TYW1: variants seen among roughly 807,000 people sequenced by gnomAD.
TYW1 encodes S-adenosyl-L-methionine-dependent tRNA 4-demethylwyosine synthase TYW1.
TYW1 carries 46 observed loss-of-function variants against 96.2 expected under a neutral mutation model. The observed-to-expected ratio is 0.48, with a 90% CI of 0.38 to 0.61. The LOEUF is 0.61. Among genes scored for constraint, TYW1 ranks in the 20% least tolerant of loss-of-function variants. TYW1 has a pLI of 0.00. For synonymous variants in TYW1, 274 were observed against 323.0 expected (o/e 0.85, Z 1.63); for missense variants, 684 against 909.6 (o/e 0.75, Z 3.19).
At chr7:67,030,758 A>G (rs983631424) in intron 7 of TYW1, among the ~76,000 whole-genome samples, 3 of 152,086 alleles carry the variant, frequency 2.0e-5, no homozygotes, top group Non-Finnish European at 4.4e-5. Context: ...GGGACATCTT[A>G]CTGAACAAGT....
intron 4 of TYW1, 167 bp downstream of exon 4, chr7:67,009,851 G>T (rs1359304347): frequency 1.5e-5 from 10 of 675,084 alleles, no homozygotes; most frequent in Admixed American, 3.4e-5. Flanking sequence ...TGAATGTGGG[G>T]TAAGGTTCAC....
chr7:67,195,474 G>C, intron 15 of TYW1, 137 bp downstream of exon 15: 1 of 1,335,384 alleles, frequency 7.5e-7, no homozygotes, highest in Non-Finnish European at 1.0e-6. Context: ...AAAAATAAGA[G>C]AGCACTAAAT....
chr7:67,081,395 G>A (rs963421707), intron 10 of TYW1, among the ~76,000 whole-genome samples: 5 of 149,688 alleles, frequency 3.3e-5, no homozygotes, highest in Admixed American at 6.6e-5. Context: ...TTGACAGTTC[G>A]ACTATAATGT....
intron 13 of TYW1, among the ~76,000 whole-genome samples, chr7:67,171,939 C>T (rs1365264686): frequency 6.6e-6 from 1 of 152,104 alleles, no homozygotes; most frequent in East Asian, 1.9e-4. Flanking sequence ...AATTTTCTCT[C>T]TAGTCTATCG....
chr7:67,025,902 T>A (rs1288985988), intron 7 of TYW1, among the ~76,000 whole-genome samples: 7 of 151,536 alleles, frequency 4.6e-5, no homozygotes, highest in African/African-American at 1.7e-4. Flanking sequence ...AGAAAATCAA[T>A]GCTAAAACCT....
At chr7:67,041,108 A>G (rs1425366814) in intron 7 of TYW1, among the ~76,000 whole-genome samples, 1 of 152,116 alleles carries the variant, frequency 6.6e-6, no homozygotes. Flanking sequence ...GGTCTTTGGG[A>G]AAAATACGTG....
At chr7:67,117,661 G>T (rs1215052109) in intron 13 of TYW1, 43 bp downstream of exon 13, 1 of 1,553,992 alleles carries the variant, frequency 6.4e-7, no homozygotes, top group Admixed American at 2.1e-5. Context: ...CAACCCTCAG[G>T]TGTGTACTGA....
At chr7:67,049,809 A>C (rs889843812) in intron 7 of TYW1, 140 bp from the exon 8 acceptor site, 1 of 998,638 alleles carries the variant, frequency 1.0e-6, no homozygotes, top group African/African-American at 1.6e-5. Context: ...GGCCTCCTAA[A>C]ATGCTGGGAT....
chr7:67,166,397 G>T (rs1051767870), intron 13 of TYW1, among the ~76,000 whole-genome samples: 4 of 132,438 alleles, frequency 3.0e-5, no homozygotes, highest in African/African-American at 1.1e-4. Context: ...TTTTAAATTG[G>T]AGTATACCAT....
At chr7:67,106,436 T>C (rs995092548) in intron 12 of TYW1, among the ~76,000 whole-genome samples, 2 of 141,134 alleles carry the variant, frequency 1.4e-5, no homozygotes, top group Admixed American at 7.0e-5. Context: ...TCATTTCTTA[T>C]ATATAGCTCC....
chr7:67,077,478 T>C (rs868666153), intron 10 of TYW1, among the ~76,000 whole-genome samples: 1 of 152,240 alleles, frequency 6.6e-6, no homozygotes, highest in Non-Finnish European at 1.5e-5. Context: ...TTGCATTTCT[T>C]TGATGATTAG....
In TYW1 at chr7:67,008,950, CTG is replaced by C. The variant is rs1793694962; in HGVS notation, c.274-630_274-629del. Among the ~76,000 whole-genome samples the C allele has an allele frequency of 2.6e-5, 4 of 152,228 alleles. 1 individual carries two copies. Among genetic ancestry groups the C allele is most frequent in the African/African-American group, 9.6e-5 (4 of 41,452 alleles). On this transcript the variant is annotated intron_variant, in intron 3 of 15. Transcript: ENST00000359626. ...GTACTGGGATTACAGGTGTGAGCCACTGTGCCCAGCCCATTCTTCACTATTTC... is the reference window on the plus strand; with the variant it reads ...GTACTGGGATTACAGGTGTGAGCCACTGCCCAGCCCATTCTTCACTATTTC...
At chr7:67,221,005 G>A (rs889841765) in intron 15 of TYW1, among the ~76,000 whole-genome samples, 11 of 152,142 alleles carry the variant, frequency 7.2e-5, no homozygotes, top group Non-Finnish European at 1.5e-4. Context: ...GGGTTTACAG[G>A]TGTGAGCCAC....
At position 67,170,966 on chromosome 7, in the gene TYW1, A is replaced by ATT. The variant is rs34655602; in HGVS notation, c.1699-12153_1699-12152dup. On this transcript the variant is annotated intron_variant, in intron 13 of 15. Transcript: ENST00000359626. Reference sequence around the variant, plus strand: ...GGAGGTGTGAAGTGTTTCCTCTGCTATTTTTTTTGGAAGAGTTTGAGAATA... The same window carrying ATT: ...GGAGGTGTGAAGTGTTTCCTCTGCTATTTTTTTTTTGGAAGAGTTTGAGAATA... Among the ~76,000 whole-genome samples, 248 of 151,630 alleles carry ATT rather than the reference A, an allele frequency of 1.6e-3. 1 individual carries two copies. The highest frequency in any genetic ancestry group is 2.7e-3 in the Non-Finnish European group (185 of 67,866).
intron 7 of TYW1, among the ~76,000 whole-genome samples, chr7:67,043,584 A>G (rs1341086508): frequency 5.9e-5 from 9 of 152,150 alleles, no homozygotes; most frequent in Non-Finnish European, 1.0e-4. Flanking sequence ...TTGGTATTGC[A>G]GTGGAATAAC....
intron 15 of TYW1, among the ~76,000 whole-genome samples, chr7:67,201,792 T>G (rs1800607606): frequency 6.6e-6 from 1 of 152,318 alleles, no homozygotes; most frequent in Non-Finnish European, 1.5e-5. Flanking sequence ...GGTTTCCAAC[T>G]TGCACATTCA....
rs527354975 is a variant in TYW1, at chr7:67,028,297, C to A, written c.984+3275C>A. Among the ~76,000 whole-genome samples the A allele has an allele frequency of 2.0e-5, 3 of 151,586 alleles. No homozygotes were observed. In the East Asian group the frequency reaches 5.8e-4, roughly 29 times the overall value. On this transcript the variant is annotated intron_variant, in intron 7 of 15. Transcript: ENST00000359626. ...GTGCCGTGGCTCACGCCTGTAATCC[C>A]CACACTTTGAGAGGCCAAGGCAGGT... is the stretch of plus-strand genomic sequence containing the variant.
intron 15 of TYW1, among the ~76,000 whole-genome samples, chr7:67,211,820 A>G (rs113480813): frequency 0.064 from 9,692 of 152,230 alleles, 418 homozygotes; most frequent in South Asian, 0.11. Context: ...TTTTGCCTCT[A>G]GTCTTGCAGA....
At chr7:67,082,795 T>G (rs1796427825) in intron 10 of TYW1, among the ~76,000 whole-genome samples, 1 of 152,106 alleles carries the variant, frequency 6.6e-6, no homozygotes, top group African/African-American at 2.4e-5. Context: ...TGGATATGGT[T>G]GTACTGCTAG....
Sources: gnomAD v4.1 joint callset for allele counts (sites outside exome capture counted in the v4.1 genomes callset) on GRCh38, gnomAD v4.1.1 for gene constraint, MANE v1.5 for transcripts, NCBI Gene and HGNC (gene_info 2026-07-23, HGNC 2026-07-21) for gene names.